Variants in SUGCT observed in about 807,000 individuals in gnomAD.
SUGCT encodes succinyl-CoA:glutarate-CoA transferase, also known as succinyl-CoA:glutarate CoA-transferase.
A neutral mutation model predicts 55.0 loss-of-function variants in SUGCT; 41 were observed. That is an observed-to-expected ratio of 0.74 (90% CI 0.58 to 0.97). SUGCT has a LOEUF of 0.97. Ranked by LOEUF, SUGCT falls within the 50% of genes least tolerant of loss-of-function variation. The pLI, the probability that SUGCT is intolerant of heterozygous loss-of-function variation, is 0.00. For synonymous variants in SUGCT, 187 were observed against 200.4 expected, an observed-to-expected ratio of 0.93 and a Z score of 0.56; for missense variants, 568 against 547.8, an observed-to-expected ratio of 1.04 and a Z score of -0.37.
intron 13 of SUGCT, among the ~76,000 whole-genome samples, chr7:40,853,948 C>T (rs576245266): frequency 1.6e-4 from 24 of 152,288 alleles, no homozygotes; most frequent in African/African-American, 5.8e-4. Context: ...TATTCCTGCC[C>T]CCATAGGGGA....
intron 7 of SUGCT, among the ~76,000 whole-genome samples, chr7:40,271,878 A>G (rs1246776898): frequency 6.6e-6 from 1 of 151,278 alleles, no homozygotes; most frequent in Non-Finnish European, 1.5e-5. Flanking sequence ...TCTGCTCTCT[A>G]TCTTCATGAG....
intron 12 of SUGCT, among the ~76,000 whole-genome samples, chr7:40,563,165 A>G (rs1282574276): frequency 6.6e-6 from 1 of 152,116 alleles, no homozygotes; most frequent in Non-Finnish European, 1.5e-5. Context: ...GCCCAAAGAC[A>G]GGAGCTTGTT....
chr7:40,874,914 T>C, the SUGCT span, among the ~76,000 whole-genome samples: 1 of 152,230 alleles, frequency 6.6e-6, no homozygotes, highest in Non-Finnish European at 1.5e-5. Context: ...AGGCCATCTG[T>C]CTGCCTGCTC....
At chr7:40,352,195 T>C (rs1797668081) in intron 9 of SUGCT, among the ~76,000 whole-genome samples, 1 of 152,220 alleles carries the variant, frequency 6.6e-6, no homozygotes, top group Admixed American at 6.5e-5. Context: ...CACATGTAAT[T>C]GGAAGAAATA....
At chr7:40,343,711 C>T (rs895030035) in intron 9 of SUGCT, among the ~76,000 whole-genome samples, 3 of 151,986 alleles carry the variant, frequency 2.0e-5, no homozygotes, top group Non-Finnish European at 2.9e-5. Context: ...GGCTGGAGTG[C>T]AGTGGCGCAA....
chr7:40,879,959 G>A, the SUGCT span, among the ~76,000 whole-genome samples: 6 of 152,158 alleles, frequency 3.9e-5, no homozygotes, highest in Non-Finnish European at 5.9e-5. Context: ...AAGTCATGAG[G>A]CCCAGTCAAC....
chr7:40,569,377 T>A (rs1796318193), intron 12 of SUGCT, among the ~76,000 whole-genome samples: 1 of 152,182 alleles, frequency 6.6e-6, no homozygotes. Flanking sequence ...TTGAGTTATA[T>A]CTACCCATTT....
intron 8 of SUGCT, among the ~76,000 whole-genome samples, chr7:40,278,560 CT>C (rs1284076958): frequency 1.3e-5 from 2 of 152,148 alleles, no homozygotes; most frequent in Non-Finnish European, 2.9e-5. Flanking sequence ...CTGGTAAGAA[CT>C]TTTTCACTCT....
chr7:40,859,567 A>T (rs899630285), intron 13 of SUGCT, among the ~76,000 whole-genome samples: 3 of 152,192 alleles, frequency 2.0e-5, no homozygotes, highest in Non-Finnish European at 4.4e-5. Flanking sequence ...AGCTTTTGTA[A>T]TCATAGTAAC....
intron 1 of SUGCT, among the ~76,000 whole-genome samples, chr7:40,157,756 G>A (rs1772265176): frequency 6.6e-6 from 1 of 152,160 alleles, no homozygotes; most frequent in Admixed American, 6.5e-5. Context: ...TGCTTCTGTA[G>A]GATGTGATTA....
At chr7:40,715,287 A>G (rs1584324996) in intron 12 of SUGCT, among the ~76,000 whole-genome samples, 1 of 152,150 alleles carries the variant, frequency 6.6e-6, no homozygotes, top group African/African-American at 2.4e-5. Context: ...GCGGGGTGGG[A>G]TGGGAAGTTT....
chr7:40,388,384 A>G (rs997320170), intron 9 of SUGCT, among the ~76,000 whole-genome samples: 3 of 152,092 alleles, frequency 2.0e-5, no homozygotes, highest in African/African-American at 7.2e-5. Flanking sequence ...GTTTTAATAC[A>G]AGTCATTGAA....
chr7:40,607,013 T>G (rs752800916), intron 12 of SUGCT, among the ~76,000 whole-genome samples: 1 of 152,158 alleles, frequency 6.6e-6, no homozygotes, highest in Non-Finnish European at 1.5e-5. Context: ...GAGGGAGGAA[T>G]GTAGAGATCA....
intron 11 of SUGCT, among the ~76,000 whole-genome samples, chr7:40,459,898 AC>A (rs2151447244): frequency 6.6e-6 from 1 of 152,082 alleles, no homozygotes; most frequent in African/African-American, 2.4e-5. Context: ...TGTCAGTTTC[AC>A]TTTTTGTTTG....
chr7:40,833,356 G>A (rs984984461), intron 13 of SUGCT, among the ~76,000 whole-genome samples: 1 of 152,026 alleles, frequency 6.6e-6, no homozygotes, highest in Non-Finnish European at 1.5e-5. Context: ...TCTCCCATTT[G>A]TGATGTAAAG....
intron 12 of SUGCT, among the ~76,000 whole-genome samples, chr7:40,639,361 T>C (rs1431492979): frequency 6.6e-6 from 1 of 152,140 alleles, no homozygotes; most frequent in Non-Finnish European, 1.5e-5. Flanking sequence ...TGCCACAATA[T>C]CTCACAGCAG....
At chr7:40,820,034 G>A (rs189875365) in intron 13 of SUGCT, among the ~76,000 whole-genome samples, 67 of 152,220 alleles carry the variant, frequency 4.4e-4, no homozygotes, top group African/African-American at 1.6e-3. Flanking sequence ...CCCATTTCTT[G>A]TTTTTGTCAG....
intron 11 of SUGCT, among the ~76,000 whole-genome samples, chr7:40,460,496 A>C (rs577423340): frequency 1.3e-5 from 2 of 152,338 alleles, no homozygotes; most frequent in South Asian, 4.1e-4. Flanking sequence ...TAATTAATTG[A>C]TAAAGCTTTT....
the SUGCT span, among the ~76,000 whole-genome samples, chr7:40,955,730 C>A: frequency 6.6e-6 from 1 of 152,116 alleles, no homozygotes; most frequent in Admixed American, 6.5e-5. Context: ...GGAATGCTTC[C>A]AGTTTTTCCC....
Sources: allele counts gnomAD v4.1 joint callset (sites outside exome capture counted in the v4.1 genomes callset), GRCh38; gene constraint gnomAD v4.1.1; transcripts MANE v1.5; gene names NCBI Gene and HGNC (gene_info 2026-07-23, HGNC 2026-07-21).